FHIP1A: variants seen among roughly 807,000 people sequenced by gnomAD.
The protein encoded by FHIP1A is FHF complex subunit HOOK interacting protein 1A.
FHIP1A carries 61 observed loss-of-function variants against 88.6 expected under a neutral mutation model. The ratio of observed to expected loss-of-function variants is 0.69; its 90% CI spans 0.56 to 0.85. The LOEUF (loss-of-function observed/expected upper bound fraction) is 0.85, where lower values mean the gene tolerates loss of function less well. FHIP1A is among the 40% of genes least tolerant of loss of function. The probability of loss-of-function intolerance (pLI) is 0.00; values close to 1 mark genes in which losing one functional copy is unlikely to be tolerated. For missense variants in FHIP1A, 1,154 were observed against 1,273.5 expected, an observed-to-expected ratio of 0.91 and a Z score of 1.43; for synonymous variants, 478 against 496.0, an observed-to-expected ratio of 0.96 and a Z score of 0.48.
Position 151,629,727 on chromosome 4 carries a change from C to T in FHIP1A, c.1004C>T (p.Thr335Ile), listed in dbSNP as rs1736080046. ...HKVTVEEVMT[T>I]TAYLDLFLRS... ...GTGACTGTGGAAGAGGTCATGACCA[C>T]AACTGCATATCTGGACCTTTTCCTG... The change falls in exon 8 of 14, where the codon ACA (threonine) becomes ATA (isoleucine). Residue 335 changes from threonine to isoleucine, a missense_variant. By Grantham distance (89) the Thr-to-Ile change is moderately conservative. Transcript: ENST00000435205. The T allele has an allele frequency of 6.4e-7, 1 of 1,551,156 alleles. No individual in the cohort carries two copies. The highest frequency in any genetic ancestry group is 8.7e-7 in the Non-Finnish European group (1 of 1,146,710).
intron 2 of FHIP1A, among the ~76,000 whole-genome samples, chr4:151,471,454 C>T (rs1729510332): frequency 6.6e-6 from 1 of 151,710 alleles, no homozygotes; most frequent in African/African-American, 2.4e-5. Context: ...AACAGCATGC[C>T]AATCAGCAGA....
intron 3 of FHIP1A, among the ~76,000 whole-genome samples, chr4:151,499,280 C>T (rs1206729390): frequency 6.6e-6 from 1 of 152,148 alleles, no homozygotes; most frequent in Non-Finnish European, 1.5e-5. Flanking sequence ...AATTGGAGCT[C>T]TGAAGTCTGT....
chr4:151,518,264 C>T (rs1258952882), intron 3 of FHIP1A, among the ~76,000 whole-genome samples: 2 of 152,114 alleles, frequency 1.3e-5, no homozygotes, highest in African/African-American at 4.8e-5. Context: ...CTGCAATATT[C>T]ATTACTACCA....
chr4:151,554,392 A>G (rs772043987), intron 3 of FHIP1A, among the ~76,000 whole-genome samples: 3 of 152,178 alleles, frequency 2.0e-5, no homozygotes, highest in Non-Finnish European at 4.4e-5. Flanking sequence ...CTAAATCAAT[A>G]CATGAATAAC....
At chr4:151,413,922 A>AC (rs1014262856) in intron 1 of FHIP1A, among the ~76,000 whole-genome samples, 3 of 152,188 alleles carry the variant, frequency 2.0e-5, no homozygotes, top group Non-Finnish European at 4.4e-5. Context: ...AACTGTAGAG[A>AC]CAAACCTCTC....
chr4:151,638,577 AAG>A, intron 8 of FHIP1A, 98 bp from the exon 9 acceptor site: 1 of 660,082 alleles, frequency 1.5e-6, no homozygotes, highest in Non-Finnish European at 2.5e-6. Flanking sequence ...AAAAAAAAAA[AAG>A]GCCATTATAT....
chr4:151,658,603 G>A (rs1156673348), intron 13 of FHIP1A, among the ~76,000 whole-genome samples: 1 of 152,196 alleles, frequency 6.6e-6, no homozygotes, highest in Non-Finnish European at 1.5e-5. Context: ...GCAGCATTCT[G>A]TTGGCCAAAG....
intron 7 of FHIP1A, among the ~76,000 whole-genome samples, chr4:151,618,528 G>A (rs1735626989): frequency 6.6e-6 from 1 of 152,192 alleles, no homozygotes; most frequent in Non-Finnish European, 1.5e-5. Flanking sequence ...GTTTGCATTA[G>A]AGGGTCCTCT....
Position 151,649,496 on chromosome 4 carries a change from G to T in FHIP1A, c.1455G>T (p.Glu485Asp), listed in dbSNP as rs1383383678. The change falls in exon 11 of 14, where the codon GAG becomes GAT. Residue 485 changes from glutamate to aspartate, a missense_variant. Glu to Asp is a conservative substitution (Grantham distance 45). Coordinates refer to ENST00000435205, the MANE Select transcript of FHIP1A (RefSeq NM_001109977.3). The part of the protein sequence containing the change: ...VERPFPEAFS[E>D]SACIVEYGKA... ...GGCCATTCCCCGAAGCGTTCTCCGA[G>T]TCAGCCTGCATTGTGGAGTATGGGA... 7.1e-6 allele frequency: 11 copies of T among 1,551,524 alleles called. No homozygotes were observed. The highest frequency in any genetic ancestry group is 9.6e-6 in the Non-Finnish European group (11 of 1,146,908).
intron 2 of FHIP1A, among the ~76,000 whole-genome samples, chr4:151,472,993 C>T (rs1290929862): frequency 6.6e-6 from 1 of 152,126 alleles, no homozygotes; most frequent in Non-Finnish European, 1.5e-5. Flanking sequence ...GTACATTTCA[C>T]CTTTCTCCCT....
At chr4:151,538,725 G>A (rs1480977090) in intron 3 of FHIP1A, among the ~76,000 whole-genome samples, 1 of 152,204 alleles carries the variant, frequency 6.6e-6, no homozygotes, top group East Asian at 1.9e-4. Flanking sequence ...GCGGAACTGT[G>A]TATCTAGCTG....
chr4:151,584,003 A>G (rs891832280), intron 5 of FHIP1A, among the ~76,000 whole-genome samples: 3 of 152,168 alleles, frequency 2.0e-5, no homozygotes, highest in African/African-American at 7.2e-5. Flanking sequence ...CTGGCCTGAA[A>G]TAAGTGTTTG....
intron 7 of FHIP1A, among the ~76,000 whole-genome samples, chr4:151,625,415 CA>C (rs963717806): frequency 6.6e-6 from 1 of 151,948 alleles, no homozygotes; most frequent in African/African-American, 2.4e-5. Context: ...GACTAGATCA[CA>C]AAAAAACAAT....
At chr4:151,577,112 CACTT>C (rs1221471939) in intron 4 of FHIP1A, among the ~76,000 whole-genome samples, 2 of 152,094 alleles carry the variant, frequency 1.3e-5, no homozygotes, top group Non-Finnish European at 1.5e-5. Flanking sequence ...TCTAACATAT[CACTT>C]ACAGTTTCTC....
At position 151,660,074 on chromosome 4, in the gene FHIP1A, G is replaced by C. The variant is rs181504957; in HGVS notation, c.2870-2427G>C. The stretch of plus-strand genomic sequence containing the variant: ...GCCCCAGTTTACAGAGATGGAAACA[G>C]ACATTTTATGATGAGCTGGTGGCCA... On this transcript the variant is annotated intron_variant, in intron 13 of 13. Coordinates refer to ENST00000435205, the MANE Select transcript of FHIP1A (RefSeq NM_001109977.3). Among the ~76,000 whole-genome samples, 501 of 152,356 alleles carry C rather than the reference G, an allele frequency of 3.3e-3. 6 individuals are homozygous for C. Among genetic ancestry groups the C allele is most frequent in the Non-Finnish European group, 6.2e-3 (422 of 68,036 alleles).
chr4:151,452,955 T>TACAC (rs374067458), intron 1 of FHIP1A, among the ~76,000 whole-genome samples: 37,529 of 147,624 alleles, frequency 0.25, 4,814 homozygotes, highest in South Asian at 0.29. Flanking sequence ...TATATATACA[T>TACAC]ACACACACAC....
At chr4:151,465,635 G>C (rs1251023323) in intron 2 of FHIP1A, among the ~76,000 whole-genome samples, 1 of 152,142 alleles carries the variant, frequency 6.6e-6, no homozygotes, top group Non-Finnish European at 1.5e-5. Context: ...TAAAATACTG[G>C]CAAACCAAAT....
intron 2 of FHIP1A, among the ~76,000 whole-genome samples, chr4:151,480,002 T>C (rs1457175922): frequency 2.0e-5 from 3 of 152,032 alleles, no homozygotes; most frequent in African/African-American, 7.2e-5. Context: ...TGGGGAGAGA[T>C]TTGAGTGTGA....
At chr4:151,555,012 CT>C in intron 3 of FHIP1A, among the ~76,000 whole-genome samples, 1 of 152,158 alleles carries the variant, frequency 6.6e-6, no homozygotes, top group African/African-American at 2.4e-5. Context: ...TTTTTAATCA[CT>C]TTTTTGGGAT....
Sources: allele counts gnomAD v4.1 joint callset (sites outside exome capture counted in the v4.1 genomes callset), GRCh38; gene constraint gnomAD v4.1.1; transcripts MANE v1.5; gene names NCBI Gene and HGNC (gene_info 2026-07-23, HGNC 2026-07-21).